APP: variants seen among roughly 807,000 people sequenced by gnomAD.
APP encodes the protein amyloid beta precursor protein, also known as amyloid-beta precursor protein.
Under a neutral mutation model 101.4 loss-of-function variants are expected in APP, and 31 were observed. The observed-to-expected ratio is 0.31, with a 90% confidence interval of 0.23 to 0.41. The LOEUF is 0.41. Ranked by LOEUF, APP falls within the 10% of genes least tolerant of loss-of-function variation. APP has a pLI of 1.00. For missense variants in APP, 839 were observed against 1,003.7 expected (o/e 0.84, Z 2.22); for synonymous variants, 366 against 364.4 (o/e 1.00, Z -0.05).
chr21:25,911,868 C>A lies in APP; in HGVS notation c.1782G>T (p.Met594Ile). The change falls in exon 14 of 18, where the codon ATG (methionine) becomes ATT (isoleucine). Residue 594 changes from methionine (M) to isoleucine (I), a missense_variant. Physicochemically the swap from Met to Ile is conservative, Grantham distance 10. Transcript: ENST00000346798. ...TGGTTTTCGTTTCGGTCAAAGATGGCATGAGAGCATCGTTTCCGTAACTGA... is the reference window on the plus strand; with the variant it reads ...TGGTTTTCGTTTCGGTCAAAGATGGAATGAGAGCATCGTTTCCGTAACTGA... ...PRISYGNDAL[M>I]PSLTETKTTV... 1 of 1,614,180 alleles carries A rather than the reference C, an allele frequency of 6.2e-7. No individual in the cohort carries two copies. The highest frequency in any genetic ancestry group is 8.5e-7 in the Non-Finnish European group (1 of 1,180,022).
chr21:26,058,015 G>A (rs1299666448), intron 3 of APP, among the ~76,000 whole-genome samples: 1 of 152,182 alleles, frequency 6.6e-6, no homozygotes. Context: ...TTAAACACAC[G>A]GTAGGATTAT....
chr21:25,903,629 G>T (rs971328094), intron 15 of APP, among the ~76,000 whole-genome samples: 1 of 152,118 alleles, frequency 6.6e-6, no homozygotes, highest in Non-Finnish European at 1.5e-5. Context: ...GGCTGTGGTT[G>T]CAATTAGAAC....
intron 15 of APP, among the ~76,000 whole-genome samples, chr21:25,898,171 T>C (rs1285104120): frequency 1.3e-5 from 2 of 152,232 alleles, no homozygotes; most frequent in Admixed American, 6.5e-5. Flanking sequence ...TGTTCATGTA[T>C]CTATGCAGTG....
At chr21:26,108,662 T>G (rs2062239555) in intron 2 of APP, among the ~76,000 whole-genome samples, 1 of 151,788 alleles carries the variant, frequency 6.6e-6, no homozygotes, top group African/African-American at 2.4e-5. Context: ...CCGAAGAGGG[T>G]GGATCGCAAG....
chr21:26,031,584 AG>A (rs1391402726), intron 5 of APP, among the ~76,000 whole-genome samples: 4 of 152,174 alleles, frequency 2.6e-5, no homozygotes, highest in Admixed American at 6.5e-5. Flanking sequence ...AAAAGGCAAG[AG>A]AAAAATGAGG....
chr21:25,931,955 T>C (rs1304538915), intron 13 of APP, among the ~76,000 whole-genome samples: 1 of 152,152 alleles, frequency 6.6e-6, no homozygotes, highest in Non-Finnish European at 1.5e-5. Context: ...GAAAAAAACA[T>C]CCACATTAGA....
chr21:25,976,603 T>A (rs1441254752), intron 9 of APP, among the ~76,000 whole-genome samples: 1 of 152,246 alleles, frequency 6.6e-6, no homozygotes, highest in Non-Finnish European at 1.5e-5. Context: ...CCCTTTGAGC[T>A]TGCCAACCTA....
intron 6 of APP, among the ~76,000 whole-genome samples, chr21:26,006,301 T>C (rs1262217780): frequency 6.6e-6 from 1 of 152,246 alleles, no homozygotes; most frequent in African/African-American, 2.4e-5. Context: ...TGATATTCAC[T>C]TATCTGAATT....
At chr21:25,881,921 G>C in intron 17 of APP, 150 bp from the exon 18 acceptor site, 1 of 827,982 alleles carries the variant, frequency 1.2e-6, no homozygotes, top group Non-Finnish European at 2.0e-6. Context: ...TTGACATCTT[G>C]GAGCAGAACG....
At chr21:26,122,226 A>G (rs543922226) in intron 1 of APP, among the ~76,000 whole-genome samples, 1 of 152,270 alleles carries the variant, frequency 6.6e-6, no homozygotes, top group Admixed American at 6.5e-5. Context: ...GGATGGGGAG[A>G]GGTAGTTAGC....
intron 3 of APP, chr21:26,053,557 A>G: frequency 2.1e-6 from 1 of 480,148 alleles, no homozygotes; most frequent in Non-Finnish European, 3.8e-6. Context: ...GATGGTTAAA[A>G]TAATGCCTAA....
chr21:25,903,318 G>T (rs1307843621), intron 15 of APP, among the ~76,000 whole-genome samples: 1 of 146,036 alleles, frequency 6.8e-6, no homozygotes, highest in Non-Finnish European at 1.5e-5. Context: ...GCAGTGAGTT[G>T]AGATCGTGCC....
chr21:25,995,349 T>A (rs1471457066), intron 8 of APP, among the ~76,000 whole-genome samples: 1 of 152,210 alleles, frequency 6.6e-6, no homozygotes, highest in Admixed American at 6.5e-5. Flanking sequence ...TTTTCACTGT[T>A]TTCTGTATTC....
intron 5 of APP, among the ~76,000 whole-genome samples, chr21:26,046,831 G>A (rs755057821): frequency 7.9e-5 from 12 of 152,168 alleles, no homozygotes; most frequent in Non-Finnish European, 1.0e-4. Flanking sequence ...TGCCTCCAGG[G>A]CTAGGCTGCC....
At chr21:26,055,875 T>C (rs1260644656) in intron 3 of APP, among the ~76,000 whole-genome samples, 1 of 151,846 alleles carries the variant, frequency 6.6e-6, no homozygotes, top group Non-Finnish European at 1.5e-5. Context: ...CCTGCAAGAG[T>C]TCTTGGGGGC....
At chr21:26,000,762 A>T (rs1210173464) in intron 6 of APP, among the ~76,000 whole-genome samples, 1 of 152,152 alleles carries the variant, frequency 6.6e-6, no homozygotes, top group Non-Finnish European at 1.5e-5. Context: ...ACATTAACTT[A>T]AGACCATTCA....
rs183555946 is a variant in APP, at chr21:26,142,206, G to A, written c.57+28358C>T. On this transcript the variant is annotated intron_variant, in intron 1 of 17. Transcript: ENST00000346798. The stretch of plus-strand genomic sequence containing the variant: ...TAAATATCCACTGGACCTTCCCTAA[G>A]CTTAGCACAATGCGTCCTGGATGGA... Among the ~76,000 whole-genome samples the A allele has an allele frequency of 2.6e-5, 4 of 152,288 alleles. No individual in the cohort carries two copies. In the East Asian group the frequency reaches 5.8e-4, roughly 22 times the overall value.
chr21:26,026,576 T>G (rs2044586123), intron 5 of APP, among the ~76,000 whole-genome samples: 1 of 152,248 alleles, frequency 6.6e-6, no homozygotes, highest in African/African-American at 2.4e-5. Flanking sequence ...TTTTCATTTC[T>G]GTTTATTAAA....
chr21:26,002,815 T>G (rs1335821938), intron 6 of APP, among the ~76,000 whole-genome samples: 2 of 152,308 alleles, frequency 1.3e-5, no homozygotes, highest in South Asian at 2.1e-4. Context: ...TGTGTCTTCT[T>G]ATAGATGTGT....
Sources: gnomAD v4.1 joint callset for allele counts (sites outside exome capture counted in the v4.1 genomes callset) on GRCh38, gnomAD v4.1.1 for gene constraint, MANE v1.5 for transcripts, NCBI Gene and HGNC (gene_info 2026-07-23, HGNC 2026-07-21) for gene names.